The following GAREM2 variants were observed in gnomAD, a reference collection of about 807,000 sequenced individuals.
GAREM2 encodes the protein GRB2 associated regulator of MAPK1 subtype 2, also known as GRB2-associated and regulator of MAPK protein 2.
GAREM2 carries 30 observed loss-of-function variants against 55.6 expected under a neutral mutation model. The ratio of observed to expected loss-of-function variants is 0.54; its 90% CI spans 0.40 to 0.73. The LOEUF is 0.73. Among genes scored for constraint, GAREM2 ranks in the 30% least tolerant of loss-of-function variants. The pLI is 0.00. For missense variants in GAREM2, 1,075 were observed against 1,257.7 expected (o/e 0.85, Z 2.20); for synonymous variants, 550 against 569.1 (o/e 0.97, Z 0.48).
At chr2:26,183,566 A>G (rs573177140) in intron 3 of GAREM2, among the ~76,000 whole-genome samples, 2 of 152,284 alleles carry the variant, frequency 1.3e-5, no homozygotes, top group East Asian at 1.9e-4. Context: ...TCTACAAAAA[A>G]TGTTAAAAAA....
chr2:26,174,986 G>C (rs1157009237), intron 1 of GAREM2, among the ~76,000 whole-genome samples: 1 of 152,026 alleles, frequency 6.6e-6, no homozygotes, highest in Admixed American at 6.6e-5. Flanking sequence ...GAGGTGAGGA[G>C]GTACAGGGGA....
At chr2:26,193,293 C>CTTTT (rs370942158), downstream of GAREM2, among the ~76,000 whole-genome samples, 1,432 of 115,086 alleles carry the variant, frequency 0.012, 88 homozygotes, top group East Asian at 0.058. Flanking sequence ...CACATGACAT[C>CTTTT]TTTTTTTTTT....
chr2:26,192,250 G>T, downstream of GAREM2: 1 of 871,698 alleles, frequency 1.1e-6, no homozygotes, highest in Non-Finnish European at 2.0e-6. Flanking sequence ...GAGGGGCTGG[G>T]AAGCTTTGGG....
At position 26,184,404 on chromosome 2, in the gene GAREM2, G is replaced by C. The variant is rs1279720559; in HGVS notation, c.556G>C (p.Gly186Arg). ...RKLGRAGALA[G>R]VGGGGPASAG... is the part of the protein sequence containing the mutation. ...GCTGGGCCGGGCCGGGGCGCTGGCC[G>C]GGGTGGGCGGCGGCGGCCCAGCGAG... is the stretch of plus-strand genomic sequence containing the variant. The change falls in exon 4 of 6, where the codon GGG becomes CGG. Residue 186 changes from glycine to arginine, a missense_variant. This residue lies in a region of GAREM2 where 230 missense variants were observed against 310.6 expected (regional missense o/e 0.74). Coordinates refer to ENST00000401533, the MANE Select transcript of GAREM2 (RefSeq NM_001168241.2). 2 of 1,503,472 alleles carry C rather than the reference G, an allele frequency of 1.3e-6. No homozygotes were observed. Among genetic ancestry groups the C allele is most frequent in the Non-Finnish European group, 1.8e-6 (2 of 1,123,890 alleles). The allele number at this position is 1,503,472 out of a possible 1,614,324, so 93.1% of individuals were successfully genotyped here.
At chr2:26,190,813 A>G (rs779402635), downstream of GAREM2, 1 of 280,758 alleles carries the variant, frequency 3.6e-6, no homozygotes, top group East Asian at 9.2e-5. Flanking sequence ...CCCAAAGCAC[A>G]GGGCTTTCTT....
At chr2:26,190,997 C>G (rs1574599698), downstream of GAREM2, 1 of 570,630 alleles carries the variant, frequency 1.8e-6, no homozygotes, top group Non-Finnish European at 3.1e-6. Flanking sequence ...CTCTTGGCTG[C>G]CACTCTAGGC....
At chr2:26,191,663 A>G (rs201029031), downstream of GAREM2, 58 of 1,611,798 alleles carry the variant, frequency 3.6e-5, no homozygotes, top group Middle Eastern at 1.6e-4. Flanking sequence ...GTAGAAGAAG[A>G]GGAAAAGGGG....
chr2:26,176,245 G>T (rs1668860810), intron 1 of GAREM2, 99 bp from the exon 2 acceptor site: 1 of 1,192,444 alleles, frequency 8.4e-7, no homozygotes, highest in Non-Finnish European at 1.1e-6. Context: ...TGTCCCTCAG[G>T]GGGGCGGTCT....
chr2:26,176,761 C>G (rs1266161520), intron 2 of GAREM2, among the ~76,000 whole-genome samples: 1 of 152,044 alleles, frequency 6.6e-6, no homozygotes, highest in African/African-American at 2.4e-5. Context: ...AGAGCTTAAC[C>G]CTAATCAGAG....
downstream of GAREM2, chr2:26,192,337 C>G: frequency 6.2e-7 from 1 of 1,601,568 alleles, no homozygotes; most frequent in South Asian, 1.1e-5. Flanking sequence ...CAGCTTCAGA[C>G]TCGCTAAAAT....
downstream of GAREM2, chr2:26,192,513 G>C: frequency 1.2e-6 from 1 of 804,492 alleles, no homozygotes; most frequent in South Asian, 1.3e-5. Flanking sequence ...CTGGCCAGGC[G>C]TGGTGGCTCA....
chr2:26,200,697 G>A, the GAREM2 span, among the ~76,000 whole-genome samples: 2 of 151,992 alleles, frequency 1.3e-5, no homozygotes, highest in East Asian at 1.9e-4. Flanking sequence ...CAGTGTGCAT[G>A]AGCACACATA....
At chr2:26,190,100 T>G (rs1489692998), downstream of GAREM2, among the ~76,000 whole-genome samples, 5 of 152,190 alleles carry the variant, frequency 3.3e-5, no homozygotes, top group Admixed American at 3.3e-4. Context: ...CAGAGGTGAC[T>G]TGGTTTTAGA....
intron 2 of GAREM2, chr2:26,182,610 C>T: frequency 1.0e-6 from 1 of 965,980 alleles, no homozygotes; most frequent in South Asian, 1.5e-5. Context: ...AAGGAGCCAG[C>T]ATCCCGGTAC....
Position 26,184,742 on chromosome 2 carries a change from G to T in GAREM2, c.894G>T (p.Thr298=). The T allele has an allele frequency of 6.6e-7, 1 of 1,514,286 alleles. No individual in the cohort carries two copies. The highest frequency in any genetic ancestry group is 8.8e-7 in the Non-Finnish European group (1 of 1,135,534). 93.8% of individuals were successfully genotyped at this position (1,514,286 alleles called of 1,614,324 possible). A position where few individuals can be genotyped will look rare whatever the true frequency, so the allele number is the denominator to read the frequency against. ...AGCTGGTTAGCATCATCTCCAAGAC[G>T]GTGGTGCTGGGGCTGGCGCTGCGCC... ...CYKLVSIISK[T]VVLGLALRRE... is the part of the protein sequence containing the mutation. Residue 298 remains threonine (T), a synonymous_variant, in exon 4 of 6, where the codon ACG becomes ACT. Transcript: ENST00000401533.
At chr2:26,192,348 A>G (rs1669532360), downstream of GAREM2, 2 of 1,608,304 alleles carry the variant, frequency 1.2e-6, no homozygotes, top group Non-Finnish European at 1.7e-6. Flanking sequence ...TCGCTAAAAT[A>G]CTATCCATGT....
downstream of GAREM2, among the ~76,000 whole-genome samples, chr2:26,190,287 A>G (rs1387379451): frequency 1.3e-5 from 2 of 152,174 alleles, no homozygotes; most frequent in Non-Finnish European, 2.9e-5. Context: ...ACGATTCCGC[A>G]CACACTCAGC....
In GAREM2 at chr2:26,173,277, G is replaced by A; in HGVS notation, c.57G>A (p.Pro19=). Residue 19 remains proline (P), a synonymous_variant, in exon 1 of 6, where the codon CCG becomes CCA. Transcript: ENST00000401533. The part of the protein sequence containing the change: ...AGLRWSMGAF[P]LDLIVSRCRL... ...TGCGCTGGAGCATGGGCGCCTTCCC[G>A]CTCGACCTCATCGTCAGCCGCTGCC... The A allele has an allele frequency of 2.8e-6, 4 of 1,433,580 alleles. No individual in the cohort carries two copies. The highest frequency in any genetic ancestry group is 1.4e-5 in the South Asian group (1 of 73,604). 88.8% of individuals were successfully genotyped at this position (1,433,580 alleles called of 1,614,324 possible).
the GAREM2 span, chr2:26,195,377 T>A: frequency 1.3e-6 from 1 of 774,026 alleles, no homozygotes; most frequent in Non-Finnish European, 2.3e-6. Flanking sequence ...TTTGGTTCCA[T>A]GGGTCTTTGA....
Sources: gnomAD v4.1 joint callset for allele counts (sites outside exome capture counted in the v4.1 genomes callset) on GRCh38, gnomAD v4.1.1 for gene constraint, gnomAD v4.1.1 regional missense constraint, MANE v1.5 for transcripts, NCBI Gene and HGNC (gene_info 2026-07-23, HGNC 2026-07-21) for gene names.